Variants in TNFRSF9 observed in about 807,000 individuals in gnomAD.
The protein encoded by TNFRSF9 is tumor necrosis factor receptor superfamily member 9.
TNFRSF9 carries 16 observed loss-of-function variants against 28.8 expected under a neutral mutation model. The ratio of observed to expected loss-of-function variants is 0.55; its 90% CI spans 0.38 to 0.84. The LOEUF is 0.84. Among genes scored for constraint, TNFRSF9 ranks in the 40% least tolerant of loss-of-function variants. The pLI is 0.00. For missense variants in TNFRSF9, 303 were observed against 315.0 expected, an observed-to-expected ratio of 0.96 and a Z score of 0.29; for synonymous variants, 131 against 117.0, an observed-to-expected ratio of 1.12 and a Z score of -0.77.
rs572574431 is a variant in TNFRSF9, at chr1:7,925,748, C to T, written c.680-4825G>A. ...TAAGGAGCGTGCAACCTCGATCCCT[C>T]GTATGCGCAGTTCACAATAGGATTC... is the stretch of plus-strand genomic sequence containing the variant. On this transcript the variant is annotated intron_variant, in intron 7 of 7. Coordinates refer to ENST00000377507, the MANE Select transcript of TNFRSF9 (RefSeq NM_001561.6). Among the ~76,000 whole-genome samples, 431 of 152,182 alleles carry T rather than the reference C, an allele frequency of 2.8e-3. 6 individuals carry two copies. Among genetic ancestry groups the T allele is most frequent in the African/African-American group, 9.9e-3 (413 of 41,508 alleles).
intron 1 of TNFRSF9, 124 bp from the exon 2 acceptor site, chr1:7,940,202 G>C: frequency 2.5e-6 from 1 of 396,398 alleles, no homozygotes; most frequent in East Asian, 3.6e-5. Flanking sequence ...AATTAATGAT[G>C]CAATATTACG....
intron 2 of TNFRSF9, 46 bp downstream of exon 2, chr1:7,939,849 A>G (rs369430908): frequency 4.5e-5 from 65 of 1,458,972 alleles, no homozygotes; most frequent in Non-Finnish European, 6.2e-5. Context: ...ACTGAACCAT[A>G]CTTCCAACAG....
intron 7 of TNFRSF9, among the ~76,000 whole-genome samples, chr1:7,923,699 G>A (rs1265725242): frequency 6.6e-6 from 1 of 152,104 alleles, no homozygotes; most frequent in East Asian, 1.9e-4. Context: ...TTAGCCAGGG[G>A]TGGTGGCACA....
rs1578066867 is a variant in TNFRSF9 at position 7,917,139 on chromosome 1, C to T, written c.*3696G>A. The T allele has an allele frequency of 6.6e-6, 1 of 152,310 alleles. No individual in the cohort carries two copies. Among genetic ancestry groups the T allele is most frequent in the African/African-American group, 2.4e-5 (1 of 41,550 alleles). 9.4% of individuals were successfully genotyped at this position (152,310 alleles called of 1,614,324 possible). On this transcript the variant is annotated 3_prime_UTR_variant, in exon 8 of 8. Coordinates refer to ENST00000377507, the MANE Select transcript of TNFRSF9 (RefSeq NM_001561.6). ...AGAGATGGGGTTTCACCATGTTGGC[C>T]AGGCTGTCTCAAAACTCCTGACCTC...
At position 7,920,791 on chromosome 1, in the gene TNFRSF9, T is replaced by C. The variant is rs1202495942; in HGVS notation, c.*44A>G. ...TGATAGCGGATGACTCATATTTCCT[T>C]GCTTCTTTTCAAGAAAGTCCCAACA... On this transcript the variant is annotated 3_prime_UTR_variant, in exon 8 of 8. Coordinates refer to ENST00000377507, the MANE Select transcript of TNFRSF9 (RefSeq NM_001561.6). 1 of 1,483,874 alleles carries C rather than the reference T, an allele frequency of 6.7e-7. No homozygotes were observed. The highest frequency in any genetic ancestry group is 1.1e-5 in the South Asian group (1 of 88,202). The allele number at this position is 1,483,874 out of a possible 1,614,324, so 91.9% of individuals were successfully genotyped here.
chr1:7,940,109 T>C (rs540704230), intron 1 of TNFRSF9, 31 bp from the exon 2 acceptor site: 211 of 687,658 alleles, frequency 3.1e-4, no homozygotes, highest in Non-Finnish European at 4.7e-4. Context: ...CAAGGAAAGG[T>C]GGTTTCTCCT....
chr1:7,933,050 C>T, intron 7 of TNFRSF9, 112 bp downstream of exon 7: 1 of 1,343,796 alleles, frequency 7.4e-7, no homozygotes, highest in Non-Finnish European at 1.0e-6. Context: ...TGCGTGATAG[C>T]CACGGGGCTA....
At chr1:7,931,373 C>T (rs1426969266) in intron 7 of TNFRSF9, among the ~76,000 whole-genome samples, 2 of 152,168 alleles carry the variant, frequency 1.3e-5, no homozygotes, top group African/African-American at 4.8e-5. Flanking sequence ...TGGAAATGAT[C>T]CCGCTGTCCA....
chr1:7,933,502 C>T (rs1278945126), intron 6 of TNFRSF9, among the ~76,000 whole-genome samples: 1 of 151,968 alleles, frequency 6.6e-6, no homozygotes, highest in African/African-American at 2.4e-5. Flanking sequence ...TTTGGAAGGC[C>T]GAGGCAGGAG....
At chr1:7,934,496 G>A (rs1639787100) in intron 6 of TNFRSF9, among the ~76,000 whole-genome samples, 1 of 151,950 alleles carries the variant, frequency 6.6e-6, no homozygotes, top group Non-Finnish European at 1.5e-5. Context: ...GGATCATGCG[G>A]TCAGGAGTTC....
At chr1:7,928,619 T>C (rs1256077565) in intron 7 of TNFRSF9, among the ~76,000 whole-genome samples, 1 of 152,064 alleles carries the variant, frequency 6.6e-6, no homozygotes, top group East Asian at 1.9e-4. Flanking sequence ...GGGCCGGGCA[T>C]GGTGGCTCAT....
rs192265662 is a variant in TNFRSF9, at chr1:7,933,262, C to T, written c.579G>A (p.Ala193=). 79 of 1,613,662 alleles carry T rather than the reference C, an allele frequency of 4.9e-5. No homozygotes were observed. The highest frequency in any genetic ancestry group is 3.3e-4 in the Middle Eastern group (2 of 6,056). Reference sequence around the variant, plus strand: ...GGAAGAGCAACGCAGTCGACGTCAGCGCAAGAAAGAAGGAGATGATCTGCG... The same window carrying T: ...GGAAGAGCAACGCAGTCGACGTCAGTGCAAGAAAGAAGGAGATGATCTGCG... ...HSPQIISFFL[A]LTSTALLFLL... Residue 193 remains alanine (A), a synonymous_variant, in exon 7 of 8, where the codon GCG becomes GCA. Coordinates refer to ENST00000377507, the MANE Select transcript of TNFRSF9 (RefSeq NM_001561.6).
At chr1:7,922,387 C>T (rs1299234375) in intron 7 of TNFRSF9, among the ~76,000 whole-genome samples, 3 of 152,132 alleles carry the variant, frequency 2.0e-5, no homozygotes, top group African/African-American at 7.2e-5. Flanking sequence ...GAGAGGAAGG[C>T]CAATTGGGTC....
chr1:7,929,902 C>A (rs1204736345), intron 7 of TNFRSF9, among the ~76,000 whole-genome samples: 1 of 149,944 alleles, frequency 6.7e-6, no homozygotes, highest in African/African-American at 2.5e-5. Context: ...ATGTTCCTGT[C>A]TTGGCAAATT....
rs1195917867 is a variant in TNFRSF9, at chr1:7,918,170, G to A, written c.*2665C>T. The A allele has an allele frequency of 6.6e-6, 1 of 151,988 alleles. No homozygotes were observed. Among genetic ancestry groups the A allele is most frequent in the Non-Finnish European group, 1.5e-5 (1 of 68,022 alleles). 9.4% of individuals were successfully genotyped at this position (151,988 alleles called of 1,614,324 possible). A position where few individuals can be genotyped will look rare whatever the true frequency, so the allele number is the denominator to read the frequency against. On this transcript the variant is annotated 3_prime_UTR_variant, in exon 8 of 8. Transcript: ENST00000377507. ...AGCTAAGTTTTGTACATGTTTAGTA[G>A]AGATGGGGTTTCACTGTGTTGGCCA...
chr1:7,939,774 T>C, intron 2 of TNFRSF9, 121 bp downstream of exon 2: 3 of 661,356 alleles, frequency 4.5e-6, no homozygotes, highest in Non-Finnish European at 7.4e-6. Flanking sequence ...TAAACATTTG[T>C]AAATGAATGA....
chr1:7,923,769 T>C (rs765416439), intron 7 of TNFRSF9, among the ~76,000 whole-genome samples: 2 of 152,020 alleles, frequency 1.3e-5, no homozygotes, highest in African/African-American at 2.4e-5. Flanking sequence ...GCCCAGGAAG[T>C]TGAGGCTGCA....
Position 7,937,732 on chromosome 1 carries a change from G to A in TNFRSF9, c.371C>T (p.Thr124Ile). ...GATGCCACGTTTCTGATCGTTAAATGTCCCAAAGCAACAGTCTTTACAACC... is the reference window on the plus strand; with the variant it reads ...GATGCCACGTTTCTGATCGTTAAATATCCCAAAGCAACAGTCTTTACAACC... ...KKGCKDCCFG[T>I]FNDQKRGICR... Residue 124 changes from threonine to isoleucine, a missense_variant, in exon 5 of 8, where the codon ACA becomes ATA. Physicochemically the swap from Thr to Ile is moderately conservative, Grantham distance 89. Transcript: ENST00000377507. 6.2e-7 allele frequency: 1 copy of A among 1,613,448 alleles called. No individual in the cohort carries two copies. The highest frequency in any genetic ancestry group is 1.1e-5 in the South Asian group (1 of 91,038).
chr1:7,922,989 G>A (rs1040645739), intron 7 of TNFRSF9, among the ~76,000 whole-genome samples: 1 of 148,052 alleles, frequency 6.8e-6, no homozygotes, highest in Non-Finnish European at 1.5e-5. Flanking sequence ...TGCAACCTCC[G>A]CCTCTTGGGT....
Sources: allele counts gnomAD v4.1 joint callset (sites outside exome capture counted in the v4.1 genomes callset), GRCh38; gene constraint gnomAD v4.1.1; transcripts MANE v1.5; gene names NCBI Gene and HGNC (gene_info 2026-07-23, HGNC 2026-07-21).